The following MAPK10 variants were observed in gnomAD, a reference collection of about 807,000 sequenced individuals.
The protein encoded by MAPK10 is mitogen-activated protein kinase 10.
MAPK10 carries 25 observed loss-of-function variants against 59.3 expected under a neutral mutation model. The observed-to-expected ratio is 0.42, with a 90% CI of 0.31 to 0.59. MAPK10 has a LOEUF of 0.59. MAPK10 is among the 20% of genes least tolerant of loss of function. The pLI is 0.15. For missense variants in MAPK10, 351 were observed against 568.9 expected (o/e 0.62, Z 3.90); for synonymous variants, 190 against 200.5 (o/e 0.95, Z 0.44).
intron 4 of MAPK10, among the ~76,000 whole-genome samples, chr4:86,132,007 C>T (rs997892073): frequency 3.9e-5 from 6 of 152,110 alleles, no homozygotes; most frequent in Non-Finnish European, 5.9e-5. Context: ...AGTCAGTAGA[C>T]GATACACTGC....
intron 3 of MAPK10, among the ~76,000 whole-genome samples, chr4:86,168,846 G>A (rs1315916015): frequency 6.6e-6 from 1 of 152,090 alleles, no homozygotes; most frequent in African/African-American, 2.4e-5. Flanking sequence ...CACACGGCCG[G>A]GTACTCCTCT....
At chr4:86,031,981 A>G (rs554099955) in intron 11 of MAPK10, 1 of 152,750 alleles carries the variant, frequency 6.5e-6, no homozygotes, top group South Asian at 2.1e-4. Flanking sequence ...ATGTCTTTAT[A>G]TATTGCTGTG....
Position 86,315,654 on chromosome 4 carries a change from G to C in MAPK10, c.-7+38876C>G, listed in dbSNP as rs529919391. 3.3e-5 allele frequency among the ~76,000 whole-genome samples: 5 copies of C among 151,988 alleles called. No homozygotes were observed. The South Asian group carries it at 1.0e-3, about 32-fold the overall frequency. On this transcript the variant is annotated intron_variant, in intron 2 of 13. Transcript: ENST00000641462. ...TATGATGTAGTATATTGTCAAATTA[G>C]CATCAAGAATATAGTACCATAATAG...
chr4:86,401,130 A>G (rs1743661030), intron 1 of MAPK10, among the ~76,000 whole-genome samples: 1 of 152,152 alleles, frequency 6.6e-6, no homozygotes, highest in Non-Finnish European at 1.5e-5. Context: ...ATTGAAAGCA[A>G]TGTACTACAG....
At chr4:86,326,242 G>A (rs772932804) in intron 2 of MAPK10, 2 of 152,168 alleles carry the variant, frequency 1.3e-5, no homozygotes, top group Admixed American at 6.6e-5. Context: ...GGTTCACAGG[G>A]GCAGAAGATG....
intron 8 of MAPK10, 74 bp from the exon 9 acceptor site, chr4:86,098,669 G>A: frequency 8.1e-7 from 1 of 1,227,332 alleles, no homozygotes; most frequent in South Asian, 1.2e-5. Flanking sequence ...ACTTCTGAAG[G>A]AGGAGGAAAA....
intron 1 of MAPK10, among the ~76,000 whole-genome samples, chr4:86,538,982 C>CT (rs1002806008): frequency 6.6e-6 from 1 of 152,070 alleles, no homozygotes; most frequent in Non-Finnish European, 1.5e-5. Flanking sequence ...AATTAAAAAT[C>CT]TTTTTTTAAA....
chr4:86,475,793 ACTCT>A (rs1289318144), intron 1 of MAPK10, among the ~76,000 whole-genome samples: 2 of 148,342 alleles, frequency 1.3e-5, no homozygotes, highest in South Asian at 4.2e-4. Flanking sequence ...CCATGTCTCT[ACTCT>A]CTCTTTTCTC....
At chr4:86,048,549 C>T (rs1677326035) in intron 11 of MAPK10, among the ~76,000 whole-genome samples, 1 of 152,016 alleles carries the variant, frequency 6.6e-6, no homozygotes, top group Non-Finnish European at 1.5e-5. Flanking sequence ...CACTTTTGCC[C>T]TACAGTCACA....
intron 4 of MAPK10, among the ~76,000 whole-genome samples, chr4:86,129,864 T>C (rs2060696107): frequency 6.6e-6 from 1 of 152,186 alleles, no homozygotes; most frequent in Non-Finnish European, 1.5e-5. Flanking sequence ...TGCACTCTTT[T>C]GTGATGCAGC....
chr4:86,245,428 TAGCCTCCTG>T (rs1323796138), intron 2 of MAPK10, among the ~76,000 whole-genome samples: 1 of 152,016 alleles, frequency 6.6e-6, no homozygotes, highest in Non-Finnish European at 1.5e-5. Flanking sequence ...CCTCCCACCT[TAGCCTCCTG>T]AGTAGTTGGG....
Position 86,370,812 on chromosome 4 carries a change from C to T in MAPK10, c.-121-16168G>A, listed in dbSNP as rs573614913. 6 of 152,152 alleles carry T rather than the reference C, an allele frequency of 3.9e-5. No individual in the cohort carries two copies. In the East Asian group the frequency reaches 7.7e-4, roughly 20 times the overall value. The allele number at this position is 152,152 out of a possible 1,614,324, so 9.4% of individuals were successfully genotyped here. On this transcript the variant is annotated intron_variant, in intron 1 of 13. Coordinates refer to the MAPK10 transcript ENST00000361569. The stretch of plus-strand genomic sequence containing the variant: ...GATGTTGGGCAGATAGTGGCTCTGT[C>T]GACATGTTTCTTCATCTACAATGTA...
intron 2 of MAPK10, among the ~76,000 whole-genome samples, chr4:86,330,421 G>T (rs2096125070): frequency 6.6e-6 from 1 of 152,140 alleles, no homozygotes; most frequent in Admixed American, 6.6e-5. Context: ...GATATGGTTT[G>T]TCTGTGTCTT....
chr4:86,396,163 T>C (rs987822257), intron 1 of MAPK10, among the ~76,000 whole-genome samples: 1 of 152,158 alleles, frequency 6.6e-6, no homozygotes, highest in East Asian at 1.9e-4. Context: ...CTGGCTAACA[T>C]GGTGAAAGCC....
intron 11 of MAPK10, 150 bp from the exon 12 acceptor site, chr4:86,031,581 A>C: frequency 1.7e-6 from 1 of 577,750 alleles, no homozygotes; most frequent in Non-Finnish European, 3.1e-6. Flanking sequence ...AGAAGTTAAA[A>C]TTTTCCTGTA....
At chr4:86,570,355 T>A (rs931233960) in intron 1 of MAPK10, among the ~76,000 whole-genome samples, 4 of 152,174 alleles carry the variant, frequency 2.6e-5, no homozygotes, top group African/African-American at 9.6e-5. Flanking sequence ...ATAAATCTGA[T>A]GACAGGGAAC....
At chr4:86,493,529 C>A (rs1754642289) in intron 1 of MAPK10, among the ~76,000 whole-genome samples, 1 of 152,110 alleles carries the variant, frequency 6.6e-6, no homozygotes, top group South Asian at 2.1e-4. Context: ...AGAATCTACT[C>A]CACTTTGAAA....
chr4:86,527,587 T>C lies in MAPK10; in HGVS notation c.-263+66323A>G, dbSNP rs572421571. 2.3e-3 allele frequency among the ~76,000 whole-genome samples: 356 copies of C among 152,300 alleles called. 2 individuals are homozygous for C. Among genetic ancestry groups the C allele is most frequent in the African/African-American group, 8.1e-3 (337 of 41,578 alleles). On this transcript the variant is annotated intron_variant, in intron 1 of 4. Transcript: ENST00000502302. ...GGAATGCAAATTAGTTCAGCCACTA[T>C]GGAAAGCAGTTTGGAGATTTCTCAA...
chr4:86,067,026 TAA>T (rs2046880047), intron 10 of MAPK10, among the ~76,000 whole-genome samples: 1 of 152,180 alleles, frequency 6.6e-6, no homozygotes, highest in African/African-American at 2.4e-5. Context: ...TATTAAAAAT[TAA>T]ATTCAATAAT....
Sources: gnomAD v4.1 joint callset for allele counts (sites outside exome capture counted in the v4.1 genomes callset) on GRCh38, gnomAD v4.1.1 for gene constraint, MANE v1.5 for transcripts, NCBI Gene and HGNC (gene_info 2026-07-23, HGNC 2026-07-21) for gene names.